ANGPT1: variants seen among roughly 807,000 people sequenced by gnomAD.
The protein encoded by ANGPT1 is angiopoietin 1.
A neutral mutation model predicts 62.2 loss-of-function variants in ANGPT1; 17 were observed. The observed-to-expected ratio is 0.27, with a 90% confidence interval of 0.19 to 0.41. The LOEUF is 0.41. ANGPT1 is among the 10% of genes least tolerant of loss of function. The probability of loss-of-function intolerance (pLI) is 1.00; values close to 1 mark genes in which losing one functional copy is unlikely to be tolerated. For missense variants in ANGPT1, 478 were observed against 594.9 expected (o/e 0.80, Z 2.04); for synonymous variants, 199 against 198.9 (o/e 1.00, Z 0.00).
chr8:107,443,626 T>C (rs1811534510), intron 1 of ANGPT1, among the ~76,000 whole-genome samples: 1 of 147,944 alleles, frequency 6.8e-6, no homozygotes, highest in African/African-American at 2.5e-5. Context: ...CTGACCAACA[T>C]GGAGAAATCC....
intron 3 of ANGPT1, among the ~76,000 whole-genome samples, chr8:107,329,028 T>C (rs1815356461): frequency 6.6e-6 from 1 of 152,020 alleles, no homozygotes; most frequent in African/African-American, 2.4e-5. Context: ...GTGTAATATA[T>C]GTATGACAAA....
chr8:107,337,197 T>C (rs74469493), intron 2 of ANGPT1, among the ~76,000 whole-genome samples: 572 of 152,266 alleles, frequency 3.8e-3, no homozygotes, highest in Non-Finnish European at 4.7e-3. Flanking sequence ...CAAACTCAGG[T>C]AGTTTTATTC....
At chr8:107,338,698 G>A (rs1367892870) in intron 2 of ANGPT1, among the ~76,000 whole-genome samples, 1 of 152,220 alleles carries the variant, frequency 6.6e-6, no homozygotes, top group Non-Finnish European at 1.5e-5. Flanking sequence ...GAGTAGCTCA[G>A]TGGGGATAAA....
At chr8:107,294,083 A>C in intron 5 of ANGPT1, 46 bp from the exon 6 acceptor site, 1 of 1,468,668 alleles carries the variant, frequency 6.8e-7, no homozygotes. Flanking sequence ...TTCTACTTTA[A>C]AAAACATATA....
intron 1 of ANGPT1, among the ~76,000 whole-genome samples, chr8:107,355,389 C>T (rs994728570): frequency 2.0e-5 from 3 of 152,162 alleles, no homozygotes; most frequent in African/African-American, 7.2e-5. Context: ...ATCATCCATG[C>T]CATAGCCAGT....
intron 1 of ANGPT1, among the ~76,000 whole-genome samples, chr8:107,480,523 G>T (rs890047369): frequency 6.6e-6 from 1 of 152,190 alleles, no homozygotes; most frequent in Admixed American, 6.5e-5. Context: ...ACAAGAAAAT[G>T]TTGAAGATGA....
chr8:107,353,451 G>A (rs181915457), intron 1 of ANGPT1, among the ~76,000 whole-genome samples: 1 of 152,138 alleles, frequency 6.6e-6, no homozygotes, highest in Non-Finnish European at 1.5e-5. Flanking sequence ...CCTGCTACTT[G>A]CTTTGCCTTT....
chr8:107,251,763 T>C lies in ANGPT1; in HGVS notation c.*92A>G. The C allele has an allele frequency of 2.7e-6, 4 of 1,458,592 alleles. No homozygotes were observed. The highest frequency in any genetic ancestry group is 1.9e-5 in the Admixed American group (1 of 53,638). The allele number at this position is 1,458,592 out of a possible 1,614,324, so 90.4% of individuals were successfully genotyped here. A position where few individuals can be genotyped will look rare whatever the true frequency, so the allele number is the denominator to read the frequency against. On this transcript the variant is annotated 3_prime_UTR_variant, in exon 9 of 9. Transcript: ENST00000517746. Reference sequence around the variant, plus strand: ...ACTTATTGCTGGAAGGGAGACAATATTGTTTGCTTCTGAAGTTTTCAAACA... The same window carrying C: ...ACTTATTGCTGGAAGGGAGACAATACTGTTTGCTTCTGAAGTTTTCAAACA...
At chr8:107,269,841 C>CA (rs78639850) in intron 7 of ANGPT1, among the ~76,000 whole-genome samples, 22,640 of 151,906 alleles carry the variant, frequency 0.15, 1,704 homozygotes, top group East Asian at 0.26. Flanking sequence ...TGAGTCCCTT[C>CA]GACGGATGAC....
At chr8:107,367,881 A>C (rs1255458850) in intron 1 of ANGPT1, among the ~76,000 whole-genome samples, 1 of 152,180 alleles carries the variant, frequency 6.6e-6, no homozygotes, top group African/African-American at 2.4e-5. Context: ...TTTCCACCAC[A>C]TCTGCAGTTG....
At chr8:107,296,413 T>C (rs1186689846) in intron 5 of ANGPT1, among the ~76,000 whole-genome samples, 1 of 152,044 alleles carries the variant, frequency 6.6e-6, no homozygotes, top group Non-Finnish European at 1.5e-5. Context: ...CTAAGAAAGA[T>C]GGATTTAGAG....
chr8:107,381,185 A>G lies in ANGPT1; in HGVS notation c.298-34088T>C, dbSNP rs144233842. 1.4e-4 allele frequency among the ~76,000 whole-genome samples: 21 copies of G among 152,284 alleles called. No individual in the cohort carries two copies. The East Asian group carries it at 3.9e-3, about 28-fold the overall frequency. On this transcript the variant is annotated intron_variant, in intron 1 of 8. Transcript: ENST00000517746. ...CTTCAAATGGCTGTGGTAAATTTCA[A>G]TGAACTTTTTTATCATGCTCATTTC...
chr8:107,494,642 C>G (rs1419372048), intron 1 of ANGPT1: 1 of 152,158 alleles, frequency 6.6e-6, no homozygotes, highest in Non-Finnish European at 1.5e-5. Flanking sequence ...AGTGCCATAA[C>G]AGTTCCAGTA....
At chr8:107,287,813 T>C (rs1814178473) in intron 6 of ANGPT1, among the ~76,000 whole-genome samples, 1 of 152,176 alleles carries the variant, frequency 6.6e-6, no homozygotes, top group Non-Finnish European at 1.5e-5. Context: ...CCTCAGTTTC[T>C]CTGTCTGCAA....
chr8:107,319,117 T>C (rs1815091824), intron 4 of ANGPT1, among the ~76,000 whole-genome samples: 1 of 152,206 alleles, frequency 6.6e-6, no homozygotes. Flanking sequence ...TAAAGTTTAA[T>C]GAATCAACTG....
intron 1 of ANGPT1, among the ~76,000 whole-genome samples, chr8:107,420,014 G>C (rs1810856744): frequency 6.6e-6 from 1 of 152,116 alleles, no homozygotes; most frequent in Non-Finnish European, 1.5e-5. Context: ...GGTTTAGAGA[G>C]GATTAGGGCA....
intron 1 of ANGPT1, among the ~76,000 whole-genome samples, chr8:107,441,037 CA>C: frequency 6.7e-6 from 1 of 149,868 alleles, no homozygotes; most frequent in East Asian, 1.9e-4. Context: ...TTTAGAAAAT[CA>C]CTCAATCATT....
chr8:107,272,958 G>A (rs1254839821), intron 7 of ANGPT1, among the ~76,000 whole-genome samples: 1 of 150,628 alleles, frequency 6.6e-6, no homozygotes, highest in African/African-American at 2.4e-5. Context: ...AACACAAACA[G>A]TCCCTTAAAC....
chr8:107,497,151 C>G (rs1452838221), intron 1 of ANGPT1, 111 bp downstream of exon 1: 1 of 1,281,202 alleles, frequency 7.8e-7, no homozygotes, highest in Non-Finnish European at 1.1e-6. Context: ...AACACTGCCC[C>G]CCTGGAGCAA....
Sources: allele counts gnomAD v4.1 joint callset (sites outside exome capture counted in the v4.1 genomes callset), GRCh38; gene constraint gnomAD v4.1.1; transcripts MANE v1.5; gene names NCBI Gene and HGNC (gene_info 2026-07-23, HGNC 2026-07-21).